The following LILRB5 variants were observed in gnomAD, a reference collection of about 807,000 sequenced individuals.
LILRB5 encodes leukocyte immunoglobulin-like receptor subfamily B member 5.
A neutral mutation model predicts 68.4 loss-of-function variants in LILRB5; 61 were observed. The ratio of observed to expected loss-of-function variants is 0.89; its 90% confidence interval spans 0.73 to 1.10. The LOEUF (loss-of-function observed/expected upper bound fraction) is 1.10, where lower values mean the gene tolerates loss of function less well. Ranked by LOEUF, LILRB5 falls within the 50% of genes least tolerant of loss-of-function variation. LILRB5 has a pLI of 0.00. For missense variants in LILRB5, 771 were observed against 751.6 expected, an observed-to-expected ratio of 1.03 and a Z score of -0.30; for synonymous variants, 356 against 315.8, an observed-to-expected ratio of 1.13 and a Z score of -1.35.
chr19:54,255,610 G>A, intron 4 of LILRB5, 28 bp from the exon 5 acceptor site: 2 of 1,602,182 alleles, frequency 1.2e-6, no homozygotes, highest in South Asian at 1.1e-5. Context: ...TTGGGACTTG[G>A]AAGGCTGGTT....
At chr19:54,255,661 C>T (rs928433312) in intron 4 of LILRB5, 79 bp from the exon 5 acceptor site, 2 of 1,455,866 alleles carry the variant, frequency 1.4e-6, no homozygotes, top group African/African-American at 1.4e-5. Flanking sequence ...GCGTCCTGGC[C>T]CTGCAGGTCT....
chr19:54,254,482 T>C (rs775898715), intron 6 of LILRB5, 67 bp from the exon 7 acceptor site: 8 of 1,490,660 alleles, frequency 5.4e-6, no homozygotes, highest in Non-Finnish European at 4.5e-6. Flanking sequence ...TCCCTCCACC[T>C]GCCCGTGGCT....
At chr19:54,255,062 G>A in intron 5 of LILRB5, 25 bp from the exon 6 acceptor site, 2 of 1,577,446 alleles carry the variant, frequency 1.3e-6, no homozygotes, top group Non-Finnish European at 1.7e-6. Context: ...GATGGGTGAG[G>A]GGCTGCCCCA....
At position 54,250,281 on chromosome 19, in the gene LILRB5, G is replaced by A. The variant is rs1290331734; in HGVS notation, c.*505C>T. ...TTGTGAATGTAATTCACATTCTCAAGAATGAGCTTTTTTGGCTTCATCGAG... is the reference window on the plus strand; with the variant it reads ...TTGTGAATGTAATTCACATTCTCAAAAATGAGCTTTTTTGGCTTCATCGAG... On this transcript the variant is annotated 3_prime_UTR_variant, in exon 13 of 13. Transcript: ENST00000449561. The A allele has an allele frequency of 6.4e-6, 1 of 155,362 alleles. No individual in the cohort carries two copies. Among genetic ancestry groups the A allele is most frequent in the East Asian group, 1.9e-4 (1 of 5,238 alleles). The allele number at this position is 155,362 out of a possible 1,614,324, so 9.6% of individuals were successfully genotyped here. A position where few individuals can be genotyped will look rare whatever the true frequency, so the allele number is the denominator to read the frequency against.
chr19:54,251,070 C>A, intron 12 of LILRB5, 138 bp from the exon 13 acceptor site: 1 of 1,557,592 alleles, frequency 6.4e-7, no homozygotes, highest in East Asian at 2.2e-5. Context: ...AGGAATTCCC[C>A]AGACAGTGGG....
rs761209894 is a variant in LILRB5 at position 54,256,351 on chromosome 19, G to T, written c.356-9C>A. 2 of 1,597,480 alleles carry T rather than the reference G, an allele frequency of 1.3e-6. No individual in the cohort carries two copies. Among genetic ancestry groups the T allele is most frequent in the South Asian group, 2.2e-5 (2 of 89,592 alleles). Reference sequence around the variant, plus strand: ...GGGTTCTGCATAGAATCCTAGCAGAGAAGGAGGCACGTCTTAAGTGGGGCT... The same window carrying T: ...GGGTTCTGCATAGAATCCTAGCAGATAAGGAGGCACGTCTTAAGTGGGGCT... On this transcript the variant is annotated splice_polypyrimidine_tract_variant and intron_variant, in intron 3 of 12. Coordinates refer to ENST00000449561, the MANE Select transcript of LILRB5 (RefSeq NM_001081442.3).
intron 7 of LILRB5, 98 bp downstream of exon 7, chr19:54,254,267 C>CT: frequency 2.0e-6 from 3 of 1,470,800 alleles, no homozygotes; most frequent in Non-Finnish European, 1.8e-6. Flanking sequence ...GGGAAGCTCC[C>CT]GCTTGAGTCT....
In LILRB5 at chr19:54,256,998, T is replaced by G. The variant is rs369659938; in HGVS notation, c.35-2A>C. 6.8e-6 allele frequency: 11 copies of G among 1,614,098 alleles called. No homozygotes were observed. The highest frequency in any genetic ancestry group is 9.3e-6 in the Non-Finnish European group (11 of 1,180,038). Reference sequence around the variant, plus strand: ...AGGTCCTGGGGCCCACACTCAGCCCTGGAAGAGAGTTCCCTGTGAGGGATT... The same window carrying G: ...AGGTCCTGGGGCCCACACTCAGCCCGGGAAGAGAGTTCCCTGTGAGGGATT... On this transcript the variant is annotated splice_acceptor_variant, in intron 1 of 12. Coordinates refer to ENST00000449561, the MANE Select transcript of LILRB5 (RefSeq NM_001081442.3). LOFTEE classifies it high-confidence loss of function.
rs573525814 is a variant in LILRB5 at position 54,252,254 on chromosome 19, C to A, written c.1576+112G>T. The A allele has an allele frequency of 3.0e-5, 44 of 1,455,290 alleles. 2 individuals are homozygous for A. The South Asian group carries it at 5.0e-4, about 17-fold the overall frequency. 90.1% of individuals were successfully genotyped at this position (1,455,290 alleles called of 1,614,324 possible). A position where few individuals can be genotyped will look rare whatever the true frequency, so the allele number is the denominator to read the frequency against. Reference sequence around the variant, plus strand: ...GAGGTCCCACAGTGTGGGTTCAGACCGCCTCCCCCTTGGCCCCAGACCCCC... The same window carrying A: ...GAGGTCCCACAGTGTGGGTTCAGACAGCCTCCCCCTTGGCCCCAGACCCCC... On this transcript the variant is annotated intron_variant, in intron 11 of 12. Transcript: ENST00000449561.
chr19:54,256,988 C>T lies in LILRB5; in HGVS notation c.43G>A (p.Val15Met), dbSNP rs766513768. The change falls in exon 2 of 13, where the codon GTG (valine) becomes ATG (methionine). Residue 15 changes from valine (V) to methionine (M), a missense_variant. Val to Met is a conservative substitution (Grantham distance 21). Transcript: ENST00000449561. ...LSVLICLGLS[V>M]GPRTCVQAGT... ...GCCTGCACGCAGGTCCTGGGGCCCA[C>T]ACTCAGCCCTGGAAGAGAGTTCCCT... The T allele has an allele frequency of 2.5e-6, 4 of 1,614,216 alleles. No homozygotes were observed. In the South Asian group the frequency reaches 4.4e-5, roughly 18 times the overall value.
chr19:54,252,941 G>C lies in LILRB5; in HGVS notation c.1404C>G (p.Phe468Leu), dbSNP rs139744787. 61 of 1,582,112 alleles carry C rather than the reference G, an allele frequency of 3.9e-5. No homozygotes were observed. Among genetic ancestry groups the C allele is most frequent in the Non-Finnish European group, 5.2e-5 (60 of 1,160,042 alleles). The change falls in exon 9 of 13, where the codon TTC (phenylalanine) becomes TTG (leucine). Residue 468 changes from phenylalanine (F) to leucine (L), a missense_variant. Phe to Leu is a conservative substitution (Grantham distance 22). Coordinates refer to ENST00000449561, the MANE Select transcript of LILRB5 (RefSeq NM_001081442.3). ...AGAGGAGGAGGAACAGCAGCAGGAC[G>C]AAGGCCACTGAGACCCCAGTCACAA... ...LGVVTGVSVA[F>L]VLLLFLLLFL...
In LILRB5 at chr19:54,256,231, A is replaced by G. The variant is rs1296326195; in HGVS notation, c.467T>C (p.Val156Ala). 1.1e-5 allele frequency: 18 copies of G among 1,613,836 alleles called. No homozygotes were observed. Among genetic ancestry groups the G allele is most frequent in the Middle Eastern group, 1.6e-4 (1 of 6,070 alleles). The change falls in exon 4 of 13, where the codon GTT becomes GCT. Residue 156 changes from valine to alanine, a missense_variant. By Grantham distance (64) the Val-to-Ala change is moderately conservative (BLOSUM62 0). Transcript: ENST00000449561. Reference sequence around the variant, plus strand: ...CCTGGGGAGCTTCTGTTCTTCCTCAACAAGAACAAACGTGAGAAGTCCGTC... The same window carrying G: ...CCTGGGGAGCTTCTGTTCTTCCTCAGCAAGAACAAACGTGAGAAGTCCGTC... ...TLDGLLTFVL[V>A]EEEQKLPRTL...
Position 54,252,875 on chromosome 19 carries a change from T to C in LILRB5, c.1470A>G (p.Thr490=), listed in dbSNP as rs761223104. ...GTTCCCCCATTCCCTACTCACCCGA[T>C]GTCCTGTGTTTGCTCTGATGCCGAT... ...LRHRHQSKHR[T]SAHFYRPAGA... is the part of the protein sequence containing the mutation. Residue 490 remains threonine (T), a synonymous_variant, in exon 9 of 13, where the codon ACA becomes ACG. Transcript: ENST00000449561. 16 of 1,601,908 alleles carry C rather than the reference T, an allele frequency of 1.0e-5. No individual in the cohort carries two copies. The African/African-American group carries it at 1.7e-4, about 17-fold the overall frequency.
rs138925824 is a variant in LILRB5, at chr19:54,256,501, G to A, written c.343C>T (p.Leu115=). Reference sequence around the variant, plus strand: ...AGTGTCCTCTCACCTGTCGCCACCAGCTCCAGGGGGTCACTGGGCTCTGAC... The same window carrying A: ...AGTGTCCTCTCACCTGTCGCCACCAACTCCAGGGGGTCACTGGGCTCTGAC... The part of the protein sequence containing the change: ...GWSEPSDPLE[L]VATGFYAEPT... Residue 115 remains leucine (L), a synonymous_variant, in exon 3 of 13, where the codon CTG becomes TTG. Transcript: ENST00000449561. 1 of 1,613,846 alleles carries A rather than the reference G, an allele frequency of 6.2e-7. No homozygotes were observed. The highest frequency in any genetic ancestry group is 2.2e-5 in the East Asian group (1 of 44,852).
In LILRB5 at chr19:54,255,374, G is replaced by A; in HGVS notation, c.864C>T (p.Ser288=). Residue 288 remains serine (S), a synonymous_variant, in exon 5 of 13, where the codon TCC becomes TCT. Coordinates refer to ENST00000449561, the MANE Select transcript of LILRB5 (RefSeq NM_001081442.3). The stretch of plus-strand genomic sequence containing the variant: ...CGTAGCATCTGTACTGGCCCCCGTG[G>A]GAGCGGCTCACAGGGCCCAGGGTGA... ...ANFTLGPVSR[S]HGGQYRCYGA... is the part of the protein sequence containing the mutation. 6.2e-7 allele frequency: 1 copy of A among 1,614,084 alleles called. No individual in the cohort carries two copies. The highest frequency in any genetic ancestry group is 1.3e-5 in the African/African-American group (1 of 75,030).
In LILRB5 at chr19:54,250,422, A is replaced by C; in HGVS notation, c.*364T>G. 1 of 209,900 alleles carries C rather than the reference A, an allele frequency of 4.8e-6. No homozygotes were observed. Among genetic ancestry groups the C allele is most frequent in the Non-Finnish European group, 9.5e-6 (1 of 104,894 alleles). The allele number at this position is 209,900 out of a possible 1,614,324, so 13.0% of individuals were successfully genotyped here. On this transcript the variant is annotated 3_prime_UTR_variant, in exon 13 of 13. Transcript: ENST00000449561. ...AATTCTTTCTGTCATTGCCAAGGTC[A>C]TTAATTACGTAGGTTTTATTCTTTT...
At chr19:54,255,864 G>A (rs2079122998) in intron 4 of LILRB5, 179 bp downstream of exon 4, 1 of 660,656 alleles carries the variant, frequency 1.5e-6, no homozygotes, top group South Asian at 2.1e-5. Context: ...CCTTCCAGGT[G>A]AGGGTGACTC....
rs770720719 is a variant in LILRB5 at position 54,256,725 on chromosome 19, G to A, written c.119C>T (p.Ala40Val). The A allele has an allele frequency of 3.0e-5, 49 of 1,614,140 alleles. No individual in the cohort carries two copies. In the East Asian group the frequency reaches 1.0e-3, roughly 35 times the overall value. Residue 40 changes from alanine to valine, a missense_variant, in exon 3 of 13, where the codon GCT becomes GTT. By Grantham distance (64) the Ala-to-Val change is moderately conservative. Coordinates refer to ENST00000449561, the MANE Select transcript of LILRB5 (RefSeq NM_001081442.3). ...CCAGAGGGTCACGGGCTTCCCCCGA[G>A]CTATCACAGAGGCTGGCTCAGCCCA... ...TLWAEPASVI[A>V]RGKPVTLWCQ...
rs758427793 is a variant in LILRB5 at position 54,255,356 on chromosome 19, T to C, written c.882A>G (p.Arg294=). The C allele has an allele frequency of 8.3e-5, 134 of 1,613,876 alleles. No individual in the cohort carries two copies. Among genetic ancestry groups the C allele is most frequent in the South Asian group, 1.5e-4 (14 of 91,072 alleles). ...GGGAGAGGTTGTGTGCACCGTAGCA[T>C]CTGTACTGGCCCCCGTGGGAGCGGC... is the stretch of plus-strand genomic sequence containing the variant. ...PVSRSHGGQY[R]CYGAHNLSPR... Residue 294 remains arginine (R), a synonymous_variant, in exon 5 of 13, where the codon AGA becomes AGG. Transcript: ENST00000449561.
Sources: allele counts gnomAD v4.1 joint callset, GRCh38; gene constraint gnomAD v4.1.1; transcripts MANE v1.5; gene names NCBI Gene and HGNC (gene_info 2026-07-23, HGNC 2026-07-21).